PAPPA: variants seen among roughly 807,000 people sequenced by gnomAD.
PAPPA encodes pappalysin-1.
Under a neutral mutation model 164.0 loss-of-function variants are expected in PAPPA, and 60 were observed. That is an observed-to-expected ratio of 0.37 (90% CI 0.30 to 0.45). The LOEUF (loss-of-function observed/expected upper bound fraction) is 0.45. Ranked by LOEUF, PAPPA falls within the 20% of genes least tolerant of loss-of-function variation. PAPPA has a pLI of 1.00. For missense variants in PAPPA, 1,782 were observed against 2,087.3 expected, an observed-to-expected ratio of 0.85 and a Z score of 2.85; for synonymous variants, 875 against 814.1, an observed-to-expected ratio of 1.07 and a Z score of -1.27.
chr9:116,311,324 A>G (rs1336771364), intron 10 of PAPPA, among the ~76,000 whole-genome samples: 3 of 152,190 alleles, frequency 2.0e-5, no homozygotes, highest in Non-Finnish European at 4.4e-5. Context: ...TCAGGCAGTA[A>G]GTTATGTGCC....
intron 2 of PAPPA, 132 bp from the exon 3 acceptor site, chr9:116,207,324 G>A: frequency 1.6e-6 from 1 of 613,110 alleles, no homozygotes; most frequent in Admixed American, 3.0e-5. Flanking sequence ...ATTATTGGGG[G>A]AATTCAATAA....
intron 7 of PAPPA, among the ~76,000 whole-genome samples, chr9:116,260,359 A>C (rs1446095473): frequency 1.3e-5 from 2 of 152,220 alleles, no homozygotes; most frequent in Non-Finnish European, 2.9e-5. Context: ...AAACAATAAT[A>C]ATAGCATGTA....
intron 7 of PAPPA, among the ~76,000 whole-genome samples, chr9:116,243,780 G>T (rs1363103024): frequency 6.6e-6 from 1 of 152,126 alleles, no homozygotes; most frequent in Non-Finnish European, 1.5e-5. Context: ...TAGGAAGTGT[G>T]GACATGGCCA....
At chr9:116,331,816 T>C (rs1252012193) in intron 11 of PAPPA, among the ~76,000 whole-genome samples, 1 of 152,172 alleles carries the variant, frequency 6.6e-6, no homozygotes, top group Non-Finnish European at 1.5e-5. Context: ...GTCACTGACC[T>C]ACTTTGAATT....
At chr9:116,384,850 T>C (rs148171773) in intron 21 of PAPPA, among the ~76,000 whole-genome samples, 17 of 152,304 alleles carry the variant, frequency 1.1e-4, no homozygotes, top group African/African-American at 3.4e-4. Context: ...TAGAAGTTTT[T>C]ACAGAATTAT....
intron 15 of PAPPA, among the ~76,000 whole-genome samples, chr9:116,350,976 T>G (rs149882484): frequency 4.9e-4 from 75 of 152,310 alleles, no homozygotes; most frequent in African/African-American, 1.7e-3. Flanking sequence ...TGAATCATAC[T>G]GACAAAGAAG....
At chr9:116,245,443 G>T (rs1391657545) in intron 7 of PAPPA, among the ~76,000 whole-genome samples, 3 of 152,172 alleles carry the variant, frequency 2.0e-5, no homozygotes, top group Non-Finnish European at 2.9e-5. Flanking sequence ...TGTGAAGAAA[G>T]GATTGAGGAA....
At chr9:116,344,033 T>G (rs112552614) in intron 13 of PAPPA, among the ~76,000 whole-genome samples, 1,576 of 152,288 alleles carry the variant, frequency 0.01, 30 homozygotes, top group African/African-American at 0.036. Flanking sequence ...CCGAAAGTGC[T>G]GGGATTACAG....
At chr9:116,276,894 C>G (rs78690839) in intron 9 of PAPPA, among the ~76,000 whole-genome samples, 1,537 of 152,292 alleles carry the variant, frequency 0.01, 27 homozygotes, top group African/African-American at 0.035. Context: ...TCTGCCTCCC[C>G]ACCAGTTGCT....
At position 116,398,768 on chromosome 9, in the gene PAPPA, T is replaced by C; in HGVS notation, c.*2152T>C. The stretch of plus-strand genomic sequence containing the variant: ...AAGAATAATCCTCTATGTTTCTTCC[T>C]CACAAAACCATATCTCATTTATATC... On this transcript the variant is annotated 3_prime_UTR_variant, in exon 22 of 22. Coordinates refer to ENST00000328252, the MANE Select transcript of PAPPA (RefSeq NM_002581.5). The C allele has an allele frequency of 6.8e-6, 3 of 444,196 alleles. No homozygotes were observed. The highest frequency in any genetic ancestry group is 4.8e-5 in the South Asian group (3 of 62,430). 27.5% of individuals were successfully genotyped at this position (444,196 alleles called of 1,614,324 possible).
rs1844309552 is a variant in PAPPA at position 116,211,721 on chromosome 9, C to T, written c.1707C>T (p.Gly569=). The T allele has an allele frequency of 1.2e-6, 2 of 1,614,084 alleles. No homozygotes were observed. The highest frequency in any genetic ancestry group is 1.7e-6 in the Non-Finnish European group (2 of 1,179,964). The stretch of plus-strand genomic sequence containing the variant: ...TCCATGAGATTGGTCACAGCCTGGG[C>T]CTCTATCACGTCTTCCGAGGCATCT... ...TMIHEIGHSL[G]LYHVFRGISE... The change falls in exon 4 of 22, where the codon GGC becomes GGT. Residue 569 remains glycine, a synonymous_variant. Transcript: ENST00000328252.
chr9:116,217,880 C>T (rs916449230), intron 4 of PAPPA, among the ~76,000 whole-genome samples: 8 of 152,158 alleles, frequency 5.3e-5, no homozygotes, highest in Admixed American at 6.5e-5. Flanking sequence ...AATCTAGTCA[C>T]GTGGCCATAC....
At chr9:116,370,229 C>G (rs780339126) in intron 19 of PAPPA, among the ~76,000 whole-genome samples, 21 of 152,154 alleles carry the variant, frequency 1.4e-4, no homozygotes, top group Non-Finnish European at 2.8e-4. Context: ...GGCACTGGGT[C>G]AGGCACTTCC....
intron 1 of PAPPA, among the ~76,000 whole-genome samples, chr9:116,165,347 C>A (rs147199794): frequency 1.3e-5 from 2 of 152,238 alleles, no homozygotes; most frequent in South Asian, 4.1e-4. Context: ...TCCACACTTC[C>A]GAAACAATCA....
At chr9:116,363,533 C>T (rs1354358357) in intron 18 of PAPPA, among the ~76,000 whole-genome samples, 2 of 152,194 alleles carry the variant, frequency 1.3e-5, no homozygotes, top group African/African-American at 4.8e-5. Context: ...TCACCAGCAC[C>T]ACAGCTTTCC....
intron 7 of PAPPA, among the ~76,000 whole-genome samples, chr9:116,237,908 C>T (rs1416708639): frequency 1.3e-5 from 2 of 151,876 alleles, no homozygotes; most frequent in Non-Finnish European, 2.9e-5. Context: ...TTAGTAGAGA[C>T]GGGGTTTTGC....
chr9:116,361,788 C>T (rs1846430170), intron 17 of PAPPA, among the ~76,000 whole-genome samples: 1 of 152,204 alleles, frequency 6.6e-6, no homozygotes, highest in South Asian at 2.1e-4. Flanking sequence ...TTCACTTCTG[C>T]ACCCCACAGA....
intron 9 of PAPPA, among the ~76,000 whole-genome samples, chr9:116,278,177 C>T (rs1455597222): frequency 1.3e-5 from 2 of 152,152 alleles, no homozygotes; most frequent in African/African-American, 4.8e-5. Context: ...TTATTAGATA[C>T]CCAGCTGTGC....
intron 7 of PAPPA, among the ~76,000 whole-genome samples, chr9:116,236,414 G>A (rs1368724099): frequency 6.6e-6 from 1 of 151,654 alleles, no homozygotes. Context: ...GTGAAACCCC[G>A]TCTCTACTAA....
Sources: gnomAD v4.1 joint callset for allele counts (sites outside exome capture counted in the v4.1 genomes callset) on GRCh38, gnomAD v4.1.1 for gene constraint, MANE v1.5 for transcripts, NCBI Gene and HGNC (gene_info 2026-07-23, HGNC 2026-07-21) for gene names.